Variants in SCARB1 observed in about 807,000 individuals in gnomAD.
SCARB1 encodes the protein CD36 and LIMPII analogous 1.
Under a neutral mutation model 57.2 loss-of-function variants are expected in SCARB1, and 30 were observed. The observed-to-expected ratio is 0.52, with a 90% CI of 0.39 to 0.71. The LOEUF is 0.71. Ranked by LOEUF, SCARB1 falls within the 30% of genes least tolerant of loss-of-function variation. The pLI is 0.00. For missense variants in SCARB1, 543 were observed against 671.2 expected, an observed-to-expected ratio of 0.81 and a Z score of 2.11; for synonymous variants, 249 against 268.3, an observed-to-expected ratio of 0.93 and a Z score of 0.70.
At chr12:124,806,415 C>G (rs539508825) in intron 7 of SCARB1, among the ~76,000 whole-genome samples, 1 of 152,316 alleles carries the variant, frequency 6.6e-6, no homozygotes, top group South Asian at 2.1e-4. Context: ...CCGACGCCAA[C>G]AGCAGTCATC....
At chr12:124,849,494 G>A (rs1952301449) in intron 1 of SCARB1, among the ~76,000 whole-genome samples, 1 of 152,212 alleles carries the variant, frequency 6.6e-6, no homozygotes, top group African/African-American at 2.4e-5. Flanking sequence ...GGGACCCTGG[G>A]AACTTTCTGC....
intron 1 of SCARB1, among the ~76,000 whole-genome samples, chr12:124,857,537 C>T (rs12427073): frequency 0.032 from 4,885 of 152,236 alleles, 574 homozygotes; most frequent in East Asian, 0.3. Flanking sequence ...GGGGTCGCGC[C>T]CGCCTCATTC....
At chr12:124,824,988 G>T (rs907122565) in intron 1 of SCARB1, among the ~76,000 whole-genome samples, 1 of 152,082 alleles carries the variant, frequency 6.6e-6, no homozygotes, top group Non-Finnish European at 1.5e-5. Context: ...ACTTTGGGAG[G>T]CTGGGGCGGG....
chr12:124,800,777 T>C lies in SCARB1; in HGVS notation c.1010-535A>G, dbSNP rs777910259. ...CTGCATCCACAGGAGTGTGTCCCTGTAGACACACCTGCTACAAATGTGAGC... is the reference window on the plus strand; with the variant it reads ...CTGCATCCACAGGAGTGTGTCCCTGCAGACACACCTGCTACAAATGTGAGC... On this transcript the variant is annotated intron_variant, in intron 7 of 12. Coordinates refer to ENST00000261693, the MANE Select transcript of SCARB1 (RefSeq NM_005505.5). The surrounding 1 kb of genome is among the most constrained non-coding windows in gnomAD (Gnocchi z 4.8). Among the ~76,000 whole-genome samples the C allele has an allele frequency of 6.6e-6, 1 of 152,134 alleles. No homozygotes were observed. Among genetic ancestry groups the C allele is most frequent in the Non-Finnish European group, 1.5e-5 (1 of 68,028 alleles).
At chr12:124,840,756 C>T (rs569440514) in intron 1 of SCARB1, among the ~76,000 whole-genome samples, 1 of 151,970 alleles carries the variant, frequency 6.6e-6, no homozygotes, top group East Asian at 2.0e-4. Flanking sequence ...CGAATATGTT[C>T]CCTTCTTTCC....
At position 124,789,114 on chromosome 12, in the gene SCARB1, A is replaced by C. The variant is rs1949631550; in HGVS notation, c.1203-1657T>G. Among the ~76,000 whole-genome samples, 1 of 152,166 alleles carries C rather than the reference A, an allele frequency of 6.6e-6. No homozygotes were observed. On this transcript the variant is annotated intron_variant, in intron 9 of 12. Coordinates refer to ENST00000261693, the MANE Select transcript of SCARB1 (RefSeq NM_005505.5). This position sits in a 1 kb window ranked among gnomAD's most constrained non-coding sequence, Gnocchi z 4.4. Reference sequence around the variant, plus strand: ...AAAATCCAAAGGGAGAATAAAAGTAAACTTGATACTGCAGAAACGTCACAG... The same window carrying C: ...AAAATCCAAAGGGAGAATAAAAGTACACTTGATACTGCAGAAACGTCACAG...
intron 1 of SCARB1, among the ~76,000 whole-genome samples, chr12:124,823,079 A>G (rs756906990): frequency 1.3e-5 from 2 of 152,218 alleles, no homozygotes; most frequent in Non-Finnish European, 2.9e-5. Context: ...ACGTTCTAAA[A>G]CAGGCAAGAC....
At chr12:124,843,766 T>C (rs1952013549) in intron 1 of SCARB1, among the ~76,000 whole-genome samples, 1 of 152,116 alleles carries the variant, frequency 6.6e-6, no homozygotes. Context: ...CCCAGTTTGC[T>C]CTGTGACCCT....
intron 1 of SCARB1, among the ~76,000 whole-genome samples, chr12:124,829,357 G>A (rs1341616654): frequency 2.0e-5 from 3 of 151,622 alleles, no homozygotes; most frequent in African/African-American, 7.3e-5. Flanking sequence ...CTTGCCCCCC[G>A]CCCCGTTCTC....
At chr12:124,802,982 A>C (rs1950185454) in intron 7 of SCARB1, among the ~76,000 whole-genome samples, 2 of 152,342 alleles carry the variant, frequency 1.3e-5, no homozygotes, top group African/African-American at 4.8e-5. Context: ...CCTAGGAGCA[A>C]TGGAAGGAGA....
At chr12:124,834,424 C>G (rs1214159231) in intron 1 of SCARB1, among the ~76,000 whole-genome samples, 2 of 152,246 alleles carry the variant, frequency 1.3e-5, no homozygotes, top group Non-Finnish European at 2.9e-5. Context: ...CCGGGCAGAG[C>G]CTCCCACTCC....
In SCARB1 at chr12:124,812,679, G is replaced by A. The variant is rs1022786380; in HGVS notation, c.631-714C>T. Among the ~76,000 whole-genome samples the A allele has an allele frequency of 6.6e-6, 1 of 152,204 alleles. No individual in the cohort carries two copies. ...ACATGCAAAGCACAAAGTGGTATGA[G>A]TGACTGAAGGAAATATCTAGAAGTG... On this transcript the variant is annotated intron_variant, in intron 4 of 12. Coordinates refer to ENST00000261693, the MANE Select transcript of SCARB1 (RefSeq NM_005505.5). The surrounding 1 kb of genome is among the most constrained non-coding windows in gnomAD (Gnocchi z 4.3).
chr12:124,850,679 T>C (rs1400805739), intron 1 of SCARB1, among the ~76,000 whole-genome samples: 3 of 152,168 alleles, frequency 2.0e-5, no homozygotes, highest in Non-Finnish European at 4.4e-5. Context: ...TCAAAATAAA[T>C]AGGTAAGTAA....
chr12:124,816,491 T>C (rs187492386), intron 2 of SCARB1, among the ~76,000 whole-genome samples: 1 of 152,362 alleles, frequency 6.6e-6, no homozygotes, highest in East Asian at 1.9e-4. Flanking sequence ...GTGAACGGAA[T>C]GCAGCAGCTG....
At chr12:124,847,181 C>T (rs1355476613) in intron 1 of SCARB1, among the ~76,000 whole-genome samples, 1 of 152,188 alleles carries the variant, frequency 6.6e-6, no homozygotes, top group African/African-American at 2.4e-5. Flanking sequence ...AACAGAAATC[C>T]AAGACTCTGG....
At chr12:124,842,880 C>T (rs73227585) in intron 1 of SCARB1, among the ~76,000 whole-genome samples, 17,491 of 152,312 alleles carry the variant, frequency 0.11, 1,153 homozygotes, top group Middle Eastern at 0.16. Context: ...ATGCCAAGAT[C>T]CACCTAGGTG....
chr12:124,846,083 T>A (rs1477295163), intron 1 of SCARB1, among the ~76,000 whole-genome samples: 3 of 151,488 alleles, frequency 2.0e-5, no homozygotes, highest in Admixed American at 6.6e-5. Flanking sequence ...AGAAAATGAG[T>A]GATTGCCAGG....
At chr12:124,830,507 A>C (rs930449647) in intron 1 of SCARB1, among the ~76,000 whole-genome samples, 2 of 152,226 alleles carry the variant, frequency 1.3e-5, no homozygotes, top group African/African-American at 4.8e-5. Context: ...CAGAGACAAA[A>C]GGGAATGACC....
chr12:124,790,868 T>TG (rs1487181654), intron 9 of SCARB1, among the ~76,000 whole-genome samples: 1 of 152,208 alleles, frequency 6.6e-6, no homozygotes, highest in African/African-American at 2.4e-5. Flanking sequence ...CTGCTGGCAA[T>TG]GCTGGCCCGG....
Sources: allele counts gnomAD v4.1 joint callset (sites outside exome capture counted in the v4.1 genomes callset), GRCh38; gene constraint gnomAD v4.1.1; non-coding constraint Gnocchi (gnomAD v3.1); transcripts MANE v1.5; gene names NCBI Gene and HGNC (gene_info 2026-07-23, HGNC 2026-07-21).